FILIP1L: variants seen among roughly 807,000 people sequenced by gnomAD.
FILIP1L encodes filamin A interacting protein 1 like.
Under a neutral mutation model 96.6 loss-of-function variants are expected in FILIP1L, and 55 were observed. The ratio of observed to expected loss-of-function variants is 0.57; its 90% CI spans 0.46 to 0.71. FILIP1L has a LOEUF of 0.71. Ranked by LOEUF, FILIP1L falls within the 30% of genes least tolerant of loss-of-function variation. FILIP1L has a pLI of 0.00. For synonymous variants in FILIP1L, 467 were observed against 473.9 expected (o/e 0.99, Z 0.19); for missense variants, 1,304 against 1,321.2 (o/e 0.99, Z 0.20).
chr3:99,891,603 C>T (rs1371542528), intron 4 of FILIP1L, among the ~76,000 whole-genome samples: 1 of 151,912 alleles, frequency 6.6e-6, no homozygotes, highest in Non-Finnish European at 1.5e-5. Context: ...GTTGGTGAGA[C>T]ACTAGGTTAG....
At chr3:99,983,621 C>G (rs371504094) in intron 1 of FILIP1L, among the ~76,000 whole-genome samples, 2 of 144,666 alleles carry the variant, frequency 1.4e-5, no homozygotes, top group Non-Finnish European at 3.0e-5. Flanking sequence ...ACCGGGGAGG[C>G]GGAGGTTGCC....
chr3:100,081,881 C>T (rs1559751287), intron 1 of FILIP1L, among the ~76,000 whole-genome samples: 3 of 152,200 alleles, frequency 2.0e-5, no homozygotes, highest in Admixed American at 1.3e-4. Context: ...ATGCCAGTAG[C>T]ACCCTCCGAG....
intron 1 of FILIP1L, among the ~76,000 whole-genome samples, chr3:99,948,541 G>A (rs964683598): frequency 4.8e-5 from 7 of 146,212 alleles, no homozygotes; most frequent in African/African-American, 1.5e-4. Flanking sequence ...GAGGGGAAGG[G>A]AGGGGGAGGG....
At chr3:99,972,071 G>A (rs571530864) in intron 1 of FILIP1L, among the ~76,000 whole-genome samples, 3 of 152,272 alleles carry the variant, frequency 2.0e-5, no homozygotes, top group East Asian at 3.9e-4. Context: ...GAATCAGTAC[G>A]AATATTATTG....
chr3:99,929,838 C>T lies in FILIP1L; in HGVS notation c.426+18G>A. ...GCTTGGCTGCCTCCCAGGTACACAC[C>T]CCTATTGTGGTACATACCTCATTCA... is the stretch of plus-strand genomic sequence containing the variant. On this transcript the variant is annotated intron_variant, in intron 3 of 5. Transcript: ENST00000477258. 6.3e-7 allele frequency: 1 copy of T among 1,596,320 alleles called. No individual in the cohort carries two copies. Among genetic ancestry groups the T allele is most frequent in the Non-Finnish European group, 8.5e-7 (1 of 1,171,424 alleles).
At chr3:99,837,340 A>T (rs1394911444) in intron 5 of FILIP1L, among the ~76,000 whole-genome samples, 1 of 152,132 alleles carries the variant, frequency 6.6e-6, no homozygotes, top group Admixed American at 6.5e-5. Flanking sequence ...CTGAGGCTTC[A>T]AAAGTGACTG....
chr3:99,924,178 G>T, intron 4 of FILIP1L, 52 bp downstream of exon 4: 1 of 1,462,052 alleles, frequency 6.8e-7, no homozygotes, highest in Non-Finnish European at 9.5e-7. Flanking sequence ...CTGGTACAGT[G>T]GCCAGCTCAT....
chr3:99,840,455 C>A (rs371378949), intron 5 of FILIP1L, among the ~76,000 whole-genome samples: 21 of 152,146 alleles, frequency 1.4e-4, no homozygotes, highest in African/African-American at 5.1e-4. Context: ...AACTCCTGAC[C>A]TCATGATCTG....
intron 1 of FILIP1L, among the ~76,000 whole-genome samples, chr3:99,943,398 C>T (rs541489898): frequency 4.6e-4 from 70 of 152,174 alleles, no homozygotes; most frequent in African/African-American, 1.6e-3. Flanking sequence ...CATATTCCAT[C>T]TACTTTGGTT....
intron 1 of FILIP1L, among the ~76,000 whole-genome samples, chr3:100,057,653 G>A (rs2065488193): frequency 1.3e-5 from 2 of 152,202 alleles, no homozygotes; most frequent in Admixed American, 1.3e-4. Context: ...TTTGGGATCA[G>A]GCCCCATATG....
chr3:99,941,656 T>C (rs1707854198), intron 1 of FILIP1L, among the ~76,000 whole-genome samples: 1 of 152,322 alleles, frequency 6.6e-6, no homozygotes, highest in South Asian at 2.1e-4. Flanking sequence ...GGAATAATTA[T>C]ATGGATCATA....
chr3:100,067,366 G>A (rs1324952542), intron 1 of FILIP1L, among the ~76,000 whole-genome samples: 1 of 152,182 alleles, frequency 6.6e-6, no homozygotes, highest in Non-Finnish European at 1.5e-5. Flanking sequence ...TTGGAAAGCA[G>A]GTAACTAAGC....
At chr3:99,886,536 G>A (rs1705903213) in intron 4 of FILIP1L, among the ~76,000 whole-genome samples, 1 of 152,114 alleles carries the variant, frequency 6.6e-6, no homozygotes, top group South Asian at 2.1e-4. Context: ...GACAAGTTTG[G>A]TGTACAGCAC....
intron 1 of FILIP1L, among the ~76,000 whole-genome samples, chr3:99,960,045 T>C (rs576875641): frequency 1.3e-5 from 2 of 152,292 alleles, no homozygotes; most frequent in African/African-American, 4.8e-5. Flanking sequence ...TTATAAATTG[T>C]CTAAAGTGTG....
At chr3:100,065,252 A>G (rs982147301) in intron 1 of FILIP1L, among the ~76,000 whole-genome samples, 46 of 152,168 alleles carry the variant, frequency 3.0e-4, no homozygotes, top group Admixed American at 2.6e-3. Flanking sequence ...ATTAGCTCCT[A>G]TGTTTTAACG....
chr3:99,998,493 G>C (rs1023379465), intron 1 of FILIP1L, among the ~76,000 whole-genome samples: 2 of 152,154 alleles, frequency 1.3e-5, no homozygotes, highest in African/African-American at 4.8e-5. Flanking sequence ...TTTGGTAAAG[G>C]GAAGTAGGGA....
intron 1 of FILIP1L, among the ~76,000 whole-genome samples, chr3:100,035,001 A>G (rs2065082746): frequency 6.6e-6 from 1 of 152,156 alleles, no homozygotes; most frequent in Admixed American, 6.5e-5. Flanking sequence ...TGCTATCTCC[A>G]TGTAGTCAGC....
chr3:100,057,673 G>A (rs560091347), intron 1 of FILIP1L, among the ~76,000 whole-genome samples: 1 of 152,182 alleles, frequency 6.6e-6, no homozygotes, highest in Non-Finnish European at 1.5e-5. Flanking sequence ...GGGACAGTTG[G>A]TTTCATGCAG....
At chr3:99,988,769 A>G (rs935407231) in intron 1 of FILIP1L, among the ~76,000 whole-genome samples, 3 of 152,212 alleles carry the variant, frequency 2.0e-5, no homozygotes, top group Non-Finnish European at 4.4e-5. Context: ...GAAACATAGT[A>G]TAATAACACT....
Sources: allele counts gnomAD v4.1 joint callset (sites outside exome capture counted in the v4.1 genomes callset), GRCh38; gene constraint gnomAD v4.1.1; transcripts MANE v1.5; gene names NCBI Gene and HGNC (gene_info 2026-07-23, HGNC 2026-07-21).